The following PDLIM2 variants were observed in gnomAD, a reference collection of about 807,000 sequenced individuals.
The protein encoded by PDLIM2 is PDZ and LIM domain protein 2.
PDLIM2 carries 51 observed loss-of-function variants against 54.1 expected under a neutral mutation model. The ratio of observed to expected loss-of-function variants is 0.94; its 90% CI spans 0.75 to 1.19. The LOEUF is 1.19. Among genes scored for constraint, PDLIM2 ranks in the 50% most tolerant of loss-of-function variants. PDLIM2 has a pLI of 0.00. For missense variants in PDLIM2, 912 were observed against 874.0 expected, an observed-to-expected ratio of 1.04 and a Z score of -0.55; for synonymous variants, 398 against 385.6, an observed-to-expected ratio of 1.03 and a Z score of -0.38.
Position 22,578,941 on chromosome 8 carries a change from TG to T in PDLIM2, c.164del (p.Gly55AspfsTer199). 1.6e-6 allele frequency: 2 copies of T among 1,238,382 alleles called. No homozygotes were observed. The highest frequency in any genetic ancestry group is 3.1e-5 in the African/African-American group (2 of 64,572). 76.7% of individuals were successfully genotyped at this position (1,238,382 alleles called of 1,614,324 possible). A position where few individuals can be genotyped will look rare whatever the true frequency, so the allele number is the denominator to read the frequency against. On this transcript the variant is annotated frameshift_variant, in exon 1 of 10. Coordinates refer to ENST00000308354, the Ensembl canonical transcript of PDLIM2. LOFTEE classifies it high-confidence loss of function. ...CGGGGAGGATGCGGGCACCACCGGC[TG>T]GACGGTCGCAGCCTGCAGGGGGCCC...
At chr8:22,579,243 G>A in exon 1 of PDLIM2, 1 of 1,361,334 alleles carries the variant, frequency 7.3e-7, no homozygotes, top group Non-Finnish European at 9.4e-7. Context: ...GCCCACCTGC[G>A]CCTCTCCGCG....
chr8:22,588,972 G>A (rs569577065), intron 6 of PDLIM2: 4 of 482,832 alleles, frequency 8.3e-6, no homozygotes, highest in Non-Finnish European at 1.5e-5. Context: ...AGATAATAGC[G>A]TGCGTGACAG....
At chr8:22,579,496 C>T (rs1310706862) in exon 1 of PDLIM2, 4 of 1,510,598 alleles carry the variant, frequency 2.6e-6, no homozygotes, top group African/African-American at 1.4e-5. Flanking sequence ...CCCGCGGCGC[C>T]CGCAGCGCGG....
At chr8:22,583,385 G>A (rs13274496) in intron 3 of PDLIM2, among the ~76,000 whole-genome samples, 26,088 of 152,180 alleles carry the variant, frequency 0.17, 2,537 homozygotes, top group Middle Eastern at 0.28. Context: ...CCCAGTCACC[G>A]TGGGCTCTAG....
intron 8 of PDLIM2, 151 bp downstream of exon 7, chr8:22,589,892 C>T (rs183015851): frequency 1.8e-6 from 2 of 1,134,066 alleles, no homozygotes; most frequent in Non-Finnish European, 2.5e-6. Flanking sequence ...GAAGCCCCAG[C>T]CCCTGCCCAT....
rs370761923 is a variant in PDLIM2 at position 22,589,312 on chromosome 8, C to T, written c.1305C>T (p.Arg435=). The change falls in exon 7 of 10, where the codon CGC becomes CGT. Residue 435 remains arginine, a synonymous_variant. Coordinates refer to ENST00000308354, the Ensembl canonical transcript of PDLIM2. ...CCTCCCAACAGGCCGGCCTCGGCCGCGCTGGCGACTCGGCGGTGCTGGTGC... is the reference window on the plus strand; with the variant it reads ...CCTCCCAACAGGCCGGCCTCGGCCGTGCTGGCGACTCGGCGGTGCTGGTGC... The T allele has an allele frequency of 1.3e-3, 2,065 of 1,534,178 alleles. 5 individuals carry two copies. The highest frequency in any genetic ancestry group is 2.4e-3 in the South Asian group (205 of 83,906).
At chr8:22,581,603 CT>C in intron 3 of PDLIM2, 73 bp downstream of exon 2, 1 of 1,487,100 alleles carries the variant, frequency 6.7e-7, no homozygotes, top group Non-Finnish European at 8.9e-7. Context: ...GCAGCCCTTG[CT>C]CCTGCCCATG....
intron 4 of PDLIM2, 30 bp from the exon 4 acceptor site, chr8:22,584,987 C>A: frequency 6.2e-7 from 1 of 1,613,242 alleles, no homozygotes; most frequent in Non-Finnish European, 8.5e-7. Context: ...GGCAGCCCTG[C>A]CTTTCCTGAC....
intron 7 of PDLIM2, 61 bp from the exon 7 acceptor site, chr8:22,589,535 C>A (rs1380597837): frequency 1.9e-6 from 3 of 1,556,476 alleles, no homozygotes; most frequent in East Asian, 4.8e-5. Flanking sequence ...TGCCCCCCAC[C>A]CCCTTGCTTG....
At chr8:22,588,565 C>G (rs914187634) in intron 6 of PDLIM2, 2 of 152,358 alleles carry the variant, frequency 1.3e-5, no homozygotes, top group Admixed American at 1.3e-4. Context: ...AGGCTGGAAA[C>G]TGGCCTCCAG....
intron 6 of PDLIM2, 23 bp from the exon 6 acceptor site, chr8:22,589,275 C>T (rs976121750): frequency 9.8e-6 from 15 of 1,533,406 alleles, no homozygotes; most frequent in Non-Finnish European, 1.3e-5. Context: ...CCTGACTCCT[C>T]CCCGGCTGCC....
rs561281081 is a variant in PDLIM2, at chr8:22,589,610, G to A, written c.1382G>A (p.Gly461Glu). 5 of 1,602,892 alleles carry A rather than the reference G, an allele frequency of 3.1e-6. No individual in the cohort carries two copies. In the South Asian group the frequency reaches 4.5e-5, roughly 15 times the overall value. Residue 461 changes from glycine (G) to glutamate (E), a missense_variant, in exon 8 of 10, where the codon GGG (glycine) becomes GAG (glutamate). Physicochemically the swap from Gly to Glu is moderately conservative, Grantham distance 98 (BLOSUM62 -2). Coordinates refer to ENST00000308354, the Ensembl canonical transcript of PDLIM2. ...CCACCCTGCAGCATGGACTCGGAAGGGGGAAGCCTCCTCCTGGACGAGGAC... is the reference window on the plus strand; with the variant it reads ...CCACCCTGCAGCATGGACTCGGAAGAGGGAAGCCTCCTCCTGGACGAGGAC...
chr8:22,586,540 G>A (rs992537140), intron 6 of PDLIM2, among the ~76,000 whole-genome samples: 5 of 152,072 alleles, frequency 3.3e-5, no homozygotes, highest in Admixed American at 3.3e-4. Context: ...CAGGAGGCCC[G>A]ACATGCTGGG....
intron 3 of PDLIM2, 83 bp downstream of exon 2, chr8:22,581,613 T>A: frequency 2.0e-6 from 3 of 1,473,660 alleles, no homozygotes; most frequent in Non-Finnish European, 2.7e-6. Flanking sequence ...CTCCTGCCCA[T>A]GGGCTAGAGC....
chr8:22,589,501 T>TGCCCCCC, intron 7 of PDLIM2, 95 bp from the exon 7 acceptor site: 1 of 1,503,346 alleles, frequency 6.7e-7, no homozygotes, highest in African/African-American at 1.4e-5. Context: ...CCCAGATTCC[T>TGCCCCCC]CCCCCTCCCC....
At chr8:22,591,483 C>T in intron 8 of PDLIM2, 68 bp from the exon 8 acceptor site, 2 of 1,425,188 alleles carry the variant, frequency 1.4e-6, no homozygotes. Context: ...ACCACCTCCT[C>T]AGAGCATCTT....
chr8:22,589,854 G>C (rs1475385993), intron 8 of PDLIM2, 113 bp downstream of exon 7: 4 of 1,411,822 alleles, frequency 2.8e-6, no homozygotes, highest in Non-Finnish European at 3.8e-6. Context: ...GCTCACCCCA[G>C]GACTAGGCAC....
exon 3 of PDLIM2, chr8:22,581,424 G>T: frequency 3.1e-6 from 5 of 1,608,348 alleles, no homozygotes; most frequent in Non-Finnish European, 3.4e-6. Flanking sequence ...CCGGCCTGGA[G>T]ACATAATCGT....
At chr8:22,589,234 C>T (rs1800462678) in intron 6 of PDLIM2, 64 bp from the exon 6 acceptor site, 2 of 1,507,522 alleles carry the variant, frequency 1.3e-6, no homozygotes, top group Admixed American at 2.0e-5. Context: ...CGGGCTAGGC[C>T]CTCCTGGGTG....
Sources: gnomAD v4.1 joint callset for allele counts (sites outside exome capture counted in the v4.1 genomes callset) on GRCh38, gnomAD v4.1.1 for gene constraint, MANE v1.5 for transcripts, NCBI Gene and HGNC (gene_info 2026-07-23, HGNC 2026-07-21) for gene names.